Variants in RANBP6 observed in about 807,000 individuals in gnomAD.
RANBP6 encodes ran-binding protein 6.
Under a neutral mutation model 35.3 loss-of-function variants are expected in RANBP6, and 10 were observed. The ratio of observed to expected loss-of-function variants is 0.28; its 90% CI spans 0.17 to 0.48. The LOEUF is 0.48. RANBP6 is among the 20% of genes least tolerant of loss of function. The pLI, the probability that RANBP6 is intolerant of heterozygous loss-of-function variation, is 0.99. For synonymous variants in RANBP6, 514 were observed against 464.2 expected (o/e 1.11, Z -1.38); for missense variants, 1,392 against 1,307.7 (o/e 1.06, Z -0.99).
Position 6,015,092 on chromosome 9 carries a change from G to A in RANBP6, c.516C>T (p.Thr172=). 2 of 1,614,086 alleles carry A rather than the reference G, an allele frequency of 1.2e-6. No homozygotes were observed. The highest frequency in any genetic ancestry group is 1.7e-6 in the Non-Finnish European group (2 of 1,180,018). ...VFWHFPGIFG[T]QERHDLDIIK... ...TGATATCCAAATCATGCCGCTCTTG[G>A]GTCCCAAAAATCCCAGGAAAGTGCC... The change falls in exon 1 of 1, where the codon ACC becomes ACT. Residue 172 remains threonine, a synonymous_variant. Transcript: ENST00000259569.
rs2129712515 is a variant in RANBP6, at chr9:6,014,702, C to A, written c.906G>T (p.Leu302Phe). ...VTLSETATPM[L>F]KKHTNIIAQA... ...GTGCAATAATATTTGTATGTTTTTT[C>A]AACATCGGAGTGGCAGTTTCAGACA... The change falls in exon 1 of 1, where the codon TTG becomes TTT. Residue 302 changes from leucine (L) to phenylalanine (F), a missense_variant. By Grantham distance (22) the Leu-to-Phe change is conservative. Transcript: ENST00000259569. The A allele has an allele frequency of 6.2e-7, 1 of 1,614,090 alleles. No individual in the cohort carries two copies. The highest frequency in any genetic ancestry group is 8.5e-7 in the Non-Finnish European group (1 of 1,180,034).
At position 6,014,068 on chromosome 9, in the gene RANBP6, T is replaced by G; in HGVS notation, c.1540A>C (p.Lys514Gln). 1 of 1,613,992 alleles carries G rather than the reference T, an allele frequency of 6.2e-7. No individual in the cohort carries two copies. The highest frequency in any genetic ancestry group is 1.3e-5 in the African/African-American group (1 of 75,054). ...GTCACAAGTTGTTCCAAAGCCAACT[T>G]AGTTCCATTCCGAATCAACTCTTGA... Reference protein sequence around the residue: ...KLQELIRNGTKLALEQLVTTI... With the variant: ...KLQELIRNGTQLALEQLVTTI... Residue 514 changes from lysine to glutamine, a missense_variant, in exon 1 of 1, where the codon AAG becomes CAG. Transcript: ENST00000259569.
Position 6,012,196 on chromosome 9 carries a change from G to T in RANBP6, c.*94C>A. 1.0e-6 allele frequency: 1 copy of T among 983,182 alleles called. No homozygotes were observed. The highest frequency in any genetic ancestry group is 1.4e-6 in the Non-Finnish European group (1 of 695,872). The allele number at this position is 983,182 out of a possible 1,614,324, so 60.9% of individuals were successfully genotyped here. On this transcript the variant is annotated 3_prime_UTR_variant, in exon 1 of 1. Transcript: ENST00000259569. ...AGAACTATAAACTGCTTAGCAGGGA[G>T]AAAACAGTTCTCTGATTTATAATAA...
Position 6,014,608 on chromosome 9 carries a change from C to T in RANBP6, c.1000G>A (p.Glu334Lys). Residue 334 changes from glutamate (E) to lysine (K), a missense_variant, in exon 1 of 1, where the codon GAA becomes AAA. Transcript: ENST00000259569. ...CTGTCAAAATCATCTTCTTCCATTTCATCAGCATTTACCCAGTCCTCATCA... is the reference window on the plus strand; with the variant it reads ...CTGTCAAAATCATCTTCTTCCATTTTATCAGCATTTACCCAGTCCTCATCA... ...QDDEDWVNAD[E>K]MEEDDFDSNA... is the part of the protein sequence containing the mutation. 6.2e-7 allele frequency: 1 copy of T among 1,614,194 alleles called. No homozygotes were observed. Among genetic ancestry groups the T allele is most frequent in the African/African-American group, 1.3e-5 (1 of 75,080 alleles).
chr9:6,015,107 A>C lies in RANBP6; in HGVS notation c.501T>G (p.Pro167=). 6.2e-7 allele frequency: 1 copy of C among 1,614,148 alleles called. No individual in the cohort carries two copies. Residue 167 remains proline (P), a synonymous_variant, in exon 1 of 1, where the codon CCT becomes CCG. Transcript: ENST00000259569. ...EVALHVFWHF[P]GIFGTQERHD... is the part of the protein sequence containing the mutation. ...GCCGCTCTTGGGTCCCAAAAATCCC[A>C]GGAAAGTGCCAGAAAACGTGAAGTG... is the stretch of plus-strand genomic sequence containing the variant.
chr9:6,013,991 A>T lies in RANBP6; in HGVS notation c.1617T>A (p.Tyr539Ter). The change falls in exon 1 of 1, where the codon TAT becomes TAA. Residue 539 changes from tyrosine to a stop codon, truncating the protein, a stop_gained. Transcript: ENST00000259569. LOFTEE classifies it low-confidence loss of function (END_TRUNC). ...DTIEEKFVPY[Y>*]DIFMPSLKHI... The stretch of plus-strand genomic sequence containing the variant: ...GCTTTAGTGAGGGCATGAATATATC[A>T]TAATATGGGACAAATTTTTCTTCTA... The T allele has an allele frequency of 6.2e-7, 1 of 1,613,930 alleles. No individual in the cohort carries two copies. The highest frequency in any genetic ancestry group is 8.5e-7 in the Non-Finnish European group (1 of 1,179,946).
rs1477797716 is a variant in RANBP6 at position 6,014,083 on chromosome 9, T to G, written c.1525A>C (p.Ile509Leu). ...SVLVIKLQELIRNGTKLALEQ... is the reference protein window; with the variant it reads ...SVLVIKLQELLRNGTKLALEQ... ...AAAGCCAACTTAGTTCCATTCCGAATCAACTCTTGAAGTTTAATCACCAAG... is the reference window on the plus strand; with the variant it reads ...AAAGCCAACTTAGTTCCATTCCGAAGCAACTCTTGAAGTTTAATCACCAAG... Residue 509 changes from isoleucine to leucine, a missense_variant, in exon 1 of 1, where the codon ATT (isoleucine) becomes CTT (leucine). By Grantham distance (5) the Ile-to-Leu change is conservative. Coordinates refer to ENST00000259569, the MANE Select transcript of RANBP6 (RefSeq NM_012416.4). The G allele has an allele frequency of 6.2e-7, 1 of 1,613,958 alleles. No homozygotes were observed. The highest frequency in any genetic ancestry group is 8.5e-7 in the Non-Finnish European group (1 of 1,180,004).
rs755384815 is a variant in RANBP6 at position 6,015,521 on chromosome 9, T to G, written c.87A>C (p.Pro29=). 4.3e-6 allele frequency: 7 copies of G among 1,613,348 alleles called. No individual in the cohort carries two copies. The highest frequency in any genetic ancestry group is 5.1e-6 in the Non-Finnish European group (6 of 1,180,032). ...FYQLLKNLIN[P]SCMVRRQAEE... ...CTGCTTGCCTCCGCACCATACAGCT[T>G]GGATTGATCAGGTTCTTCAGAAGCT... Residue 29 remains proline (P), a synonymous_variant, in exon 1 of 1, where the codon CCA becomes CCC. Transcript: ENST00000259569.
rs1842553244 is a variant in RANBP6 at position 6,015,234 on chromosome 9, G to C, written c.374C>G (p.Ala125Gly). 6.2e-7 allele frequency: 1 copy of C among 1,613,996 alleles called. No homozygotes were observed. Among genetic ancestry groups the C allele is most frequent in the Non-Finnish European group, 8.5e-7 (1 of 1,180,022 alleles). The change falls in exon 1 of 1, where the codon GCC becomes GGC. Residue 125 changes from alanine to glycine, a missense_variant. Ala to Gly is a moderately conservative substitution (Grantham distance 60). Coordinates refer to ENST00000259569, the MANE Select transcript of RANBP6 (RefSeq NM_012416.4). ...GCCATCCTCATCTATCAAATTCCTG[G>C]CCAGCACTGCAAAAATATCACAAAG... is the stretch of plus-strand genomic sequence containing the variant. ...KKLCDIFAVL[A>G]RNLIDEDGTN...
In RANBP6 at chr9:6,013,588, G is replaced by C. The variant is rs1368085808; in HGVS notation, c.2020C>G (p.Gln674Glu). 2 of 1,614,182 alleles carry C rather than the reference G, an allele frequency of 1.2e-6. No individual in the cohort carries two copies. The highest frequency in any genetic ancestry group is 8.5e-7 in the Non-Finnish European group (1 of 1,180,034). Residue 674 changes from glutamine (Q) to glutamate (E), a missense_variant, in exon 1 of 1, where the codon CAG becomes GAG. Transcript: ENST00000259569. ...CCTGAAGTTTTAATTCCAAAACTCT[G>C]CTGGTCTCCAAGATTTACAAATTGC... ...GWQFVNLGDQ[Q>E]SFGIKTSGLE...
chr9:6,012,464 A>G lies in RANBP6; in HGVS notation c.3144T>C (p.Ser1048=), dbSNP rs1842490889. The change falls in exon 1 of 1, where the codon AGT becomes AGC. Residue 1048 remains serine, a synonymous_variant. Transcript: ENST00000259569. ...PNNSNLPKII[S]IIAEGKINET... is the part of the protein sequence containing the mutation. ...CATTAATTTTTCCTTCTGCAATTAT[A>G]CTGATTATTTTGGGAAGATTGGAAT... 6.2e-7 allele frequency: 1 copy of G among 1,612,686 alleles called. No homozygotes were observed. Among genetic ancestry groups the G allele is most frequent in the Admixed American group, 1.7e-5 (1 of 59,678 alleles).
chr9:6,015,312 A>AT lies in RANBP6; in HGVS notation c.295dup (p.Ile99AsnfsTer2). On this transcript the variant is annotated frameshift_variant, in exon 1 of 1. Coordinates refer to ENST00000259569, the MANE Select transcript of RANBP6 (RefSeq NM_012416.4). LOFTEE classifies it low-confidence loss of function (END_TRUNC). ...TAACTTAACAGCCAGAATCAGTTCA[A>AT]TCTTGACATCTCTCTGAACATCAGC... 1 of 1,614,210 alleles carries AT rather than the reference A, an allele frequency of 6.2e-7. No homozygotes were observed. The highest frequency in any genetic ancestry group is 1.3e-5 in the African/African-American group (1 of 75,044).
Position 6,013,910 on chromosome 9 carries a change from G to C in RANBP6, c.1698C>G (p.Ile566Met), listed in dbSNP as rs199515044. ...KELKLLRGKT[I>M]ECISHIGLAV... ...CAAGACCAATATGGCTAATGCACTC[G>C]ATAGTTTTTCCTCTCAGAAGCTTGA... The change falls in exon 1 of 1, where the codon ATC becomes ATG. Residue 566 changes from isoleucine (I) to methionine (M), a missense_variant. Physicochemically the swap from Ile to Met is conservative, Grantham distance 10 (BLOSUM62 1). Coordinates refer to ENST00000259569, the MANE Select transcript of RANBP6 (RefSeq NM_012416.4). The C allele has an allele frequency of 1.5e-5, 24 of 1,613,812 alleles. No homozygotes were observed. Among genetic ancestry groups the C allele is most frequent in the South Asian group, 3.3e-5 (3 of 91,068 alleles).
rs1244958128 is a variant in RANBP6 at position 6,013,346 on chromosome 9, C to A, written c.2262G>T (p.Trp754Cys). The A allele has an allele frequency of 6.2e-7, 1 of 1,613,958 alleles. No homozygotes were observed. Among genetic ancestry groups the A allele is most frequent in the African/African-American group, 1.3e-5 (1 of 74,932 alleles). ...TGATTAAGGGGTCACATATGAATTGCCACATCTGTGCAAGATACTCTGGGC... is the reference window on the plus strand; with the variant it reads ...TGATTAAGGGGTCACATATGAATTGACACATCTGTGCAAGATACTCTGGGC... Reference protein sequence around the residue: ...IRGPEYLAQMWQFICDPLIKA... With the variant: ...IRGPEYLAQMCQFICDPLIKA... Residue 754 changes from tryptophan to cysteine, a missense_variant, in exon 1 of 1, where the codon TGG becomes TGT. Trp to Cys is a radical substitution (Grantham distance 215). Coordinates refer to ENST00000259569, the MANE Select transcript of RANBP6 (RefSeq NM_012416.4).
In RANBP6 at chr9:6,015,240, A is replaced by C; in HGVS notation, c.368T>G (p.Val123Gly). 6.2e-7 allele frequency: 1 copy of C among 1,614,194 alleles called. No homozygotes were observed. Among genetic ancestry groups the C allele is most frequent in the Non-Finnish European group, 8.5e-7 (1 of 1,180,038 alleles). ...MRKKLCDIFA[V>G]LARNLIDEDG... ...CTCATCTATCAAATTCCTGGCCAGC[A>C]CTGCAAAAATATCACAAAGTTTTTT... The change falls in exon 1 of 1, where the codon GTG becomes GGG. Residue 123 changes from valine (V) to glycine (G), a missense_variant. Transcript: ENST00000259569.
Position 6,013,698 on chromosome 9 carries a change from G to A in RANBP6, c.1910C>T (p.Pro637Leu), listed in dbSNP as rs1463528731. 21 of 1,614,032 alleles carry A rather than the reference G, an allele frequency of 1.3e-5. No homozygotes were observed. Among genetic ancestry groups the A allele is most frequent in the Non-Finnish European group, 1.6e-5 (19 of 1,179,986 alleles). The change falls in exon 1 of 1, where the codon CCT becomes CTT. Residue 637 changes from proline (P) to leucine (L), a missense_variant. Pro to Leu is a moderately conservative substitution (Grantham distance 98). Coordinates refer to ENST00000259569, the MANE Select transcript of RANBP6 (RefSeq NM_012416.4). The part of the protein sequence containing the change: ...FQQYLPLVIE[P>L]LIKTASAKPD... ...TTTAGCTGAAGCAGTCTTAATAAGAGGCTCGATAACCAGTGGAAGGTACTG... is the reference window on the plus strand; with the variant it reads ...TTTAGCTGAAGCAGTCTTAATAAGAAGCTCGATAACCAGTGGAAGGTACTG...
In RANBP6 at chr9:6,012,406, G is replaced by A. The variant is rs1194119089; in HGVS notation, c.3202C>T (p.Arg1068Cys). Reference protein sequence around the residue: ...TINYEDPCAKRLANVVRQVQT... With the variant: ...TINYEDPCAKCLANVVRQVQT... ...ACCTGACGCACGACATTAGCTAGGCGTTTGGCACAAGGATCCTCATAGTTA... is the reference window on the plus strand; with the variant it reads ...ACCTGACGCACGACATTAGCTAGGCATTTGGCACAAGGATCCTCATAGTTA... The change falls in exon 1 of 1, where the codon CGC (arginine) becomes TGC (cysteine). Residue 1068 changes from arginine (R) to cysteine (C), a missense_variant. Physicochemically the swap from Arg to Cys is radical, Grantham distance 180. Coordinates refer to ENST00000259569, the MANE Select transcript of RANBP6 (RefSeq NM_012416.4). 5 of 1,613,912 alleles carry A rather than the reference G, an allele frequency of 3.1e-6. No homozygotes were observed. The highest frequency in any genetic ancestry group is 4.5e-5 in the East Asian group (2 of 44,888).
At position 6,013,786 on chromosome 9, in the gene RANBP6, G is replaced by C. The variant is rs1441236006; in HGVS notation, c.1822C>G (p.Gln608Glu). ...DLNNMEDDDPQTSYMVSAWAR... is the reference protein window; with the variant it reads ...DLNNMEDDDPETSYMVSAWAR... ...CATGCTGAAACCATGTAAGAGGTCT[G>C]AGGGTCATCATCTTCCATATTATTT... Residue 608 changes from glutamine to glutamate, a missense_variant, in exon 1 of 1, where the codon CAG (glutamine) becomes GAG (glutamate). Transcript: ENST00000259569. 7.4e-6 allele frequency: 12 copies of C among 1,613,762 alleles called. No homozygotes were observed. Among genetic ancestry groups the C allele is most frequent in the Admixed American group, 1.7e-5 (1 of 60,014 alleles).
In RANBP6 at chr9:6,013,884, G is replaced by A. The variant is rs753548947; in HGVS notation, c.1724C>T (p.Ala575Val). The A allele has an allele frequency of 2.5e-6, 4 of 1,613,832 alleles. No homozygotes were observed. The highest frequency in any genetic ancestry group is 3.4e-6 in the Non-Finnish European group (4 of 1,179,918). Residue 575 changes from alanine (A) to valine (V), a missense_variant, in exon 1 of 1, where the codon GCT (alanine) becomes GTT (valine). Physicochemically the swap from Ala to Val is moderately conservative, Grantham distance 64 (BLOSUM62 0). Coordinates refer to ENST00000259569, the MANE Select transcript of RANBP6 (RefSeq NM_012416.4). The part of the protein sequence containing the change: ...TIECISHIGL[A>V]VGKEKFMQDA... ...TTGCATAAATTTTTCCTTCCCAACA[G>A]CAAGACCAATATGGCTAATGCACTC...
Sources: gnomAD v4.1 joint callset for allele counts on GRCh38, gnomAD v4.1.1 for gene constraint, MANE v1.5 for transcripts, NCBI Gene and HGNC (gene_info 2026-07-23, HGNC 2026-07-21) for gene names.